DNAJC8: variants seen among roughly 807,000 people sequenced by gnomAD.
The protein encoded by DNAJC8 is dnaJ homolog subfamily C member 8.
DNAJC8 carries 24 observed loss-of-function variants against 43.2 expected under a neutral mutation model. That is an observed-to-expected ratio of 0.56 (90% CI 0.40 to 0.78). DNAJC8 has a LOEUF of 0.78. Ranked by LOEUF, DNAJC8 falls within the 30% of genes least tolerant of loss-of-function variation. The pLI, the probability that DNAJC8 is intolerant of heterozygous loss-of-function variation, is 0.00. For synonymous variants in DNAJC8, 83 were observed against 98.0 expected, an observed-to-expected ratio of 0.85 and a Z score of 0.90; for missense variants, 207 against 299.4, an observed-to-expected ratio of 0.69 and a Z score of 2.28.
At chr1:28,227,642 T>C (rs1381458879) in intron 2 of DNAJC8, among the ~76,000 whole-genome samples, 1 of 151,980 alleles carries the variant, frequency 6.6e-6, no homozygotes, top group African/African-American at 2.4e-5. Flanking sequence ...TGTGGTGTCA[T>C]ATGCCTGTAA....
At chr1:28,205,133 G>A (rs578038472) in intron 7 of DNAJC8, 125 bp downstream of exon 7, 5 of 696,174 alleles carry the variant, frequency 7.2e-6, no homozygotes, top group South Asian at 2.2e-5. Flanking sequence ...CTGTTTTTAG[G>A]TAACTATTTT....
rs749166804 is a variant in DNAJC8, at chr1:28,200,680, C to T, written c.*568G>A. 1.8e-5 allele frequency: 8 copies of T among 454,538 alleles called. No homozygotes were observed. Among genetic ancestry groups the T allele is most frequent in the Non-Finnish European group, 2.6e-5 (6 of 226,806 alleles). 28.2% of individuals were successfully genotyped at this position (454,538 alleles called of 1,614,324 possible). A position where few individuals can be genotyped will look rare whatever the true frequency, so the allele number is the denominator to read the frequency against. ...AAGTGAAAGGTTTGGGTGGCGTGGG[C>T]CTCATGCCACACTGATTGGTCAGTA... On this transcript the variant is annotated 3_prime_UTR_variant, in exon 9 of 9. Transcript: ENST00000263697.
intron 2 of DNAJC8, among the ~76,000 whole-genome samples, chr1:28,222,681 G>A (rs1646906828): frequency 1.3e-5 from 2 of 152,016 alleles, no homozygotes; most frequent in African/African-American, 4.8e-5. Flanking sequence ...GAGTCACATG[G>A]CCCAGAGCAC....
At chr1:28,222,802 C>T (rs1646907781) in intron 2 of DNAJC8, among the ~76,000 whole-genome samples, 1 of 152,040 alleles carries the variant, frequency 6.6e-6, no homozygotes, top group Non-Finnish European at 1.5e-5. Flanking sequence ...CAGAGAAGGA[C>T]AGCCTAACAT....
chr1:28,210,078 C>T lies in DNAJC8; in HGVS notation c.305-12G>A. The T allele has an allele frequency of 6.2e-7, 1 of 1,612,670 alleles. No individual in the cohort carries two copies. ...AGCTTTGTCCACAGCTAATGCAAAA[C>T]ATTGAAATTAACTGTTTCTGCAAAC... On this transcript the variant is annotated splice_polypyrimidine_tract_variant and intron_variant, in intron 4 of 8. Transcript: ENST00000263697.
At chr1:28,220,011 T>G (rs1422532075) in intron 2 of DNAJC8, among the ~76,000 whole-genome samples, 1 of 122,232 alleles carries the variant, frequency 8.2e-6, no homozygotes, top group African/African-American at 4.0e-5. Flanking sequence ...TTCCAATGGG[T>G]GATAGTGTTG....
intron 3 of DNAJC8, among the ~76,000 whole-genome samples, chr1:28,211,272 G>A (rs1646809096): frequency 6.6e-6 from 1 of 152,170 alleles, no homozygotes; most frequent in Non-Finnish European, 1.5e-5. Flanking sequence ...TTCCTATTAT[G>A]TTCCTTATGC....
chr1:28,223,490 G>A (rs549075613), intron 2 of DNAJC8, among the ~76,000 whole-genome samples: 4 of 152,214 alleles, frequency 2.6e-5, no homozygotes, highest in East Asian at 1.9e-4. Context: ...AGAGTACAGC[G>A]GGGTGAGGAG....
chr1:28,202,588 CTTTTTTT>C (rs369024181), intron 8 of DNAJC8, among the ~76,000 whole-genome samples: 1 of 89,656 alleles, frequency 1.1e-5, no homozygotes, highest in Non-Finnish European at 2.1e-5. Flanking sequence ...CTTTTTTTTT[CTTTTTTT>C]TTTTTTTTTT....
At position 28,205,412 on chromosome 1, in the gene DNAJC8, T is replaced by C. The variant is rs563465197; in HGVS notation, c.472-63A>G. On this transcript the variant is annotated intron_variant, in intron 6 of 8. Coordinates refer to ENST00000263697, the MANE Select transcript of DNAJC8 (RefSeq NM_014280.3). Reference sequence around the variant, plus strand: ...ATATTTTTACCAGCAACTTGAACCATGTACTTTCACCTGGAGTCCAAGATA... The same window carrying C: ...ATATTTTTACCAGCAACTTGAACCACGTACTTTCACCTGGAGTCCAAGATA... 2,143 of 1,295,212 alleles carry C rather than the reference T, an allele frequency of 1.7e-3. 2 individuals carry two copies. Among genetic ancestry groups the C allele is most frequent in the Non-Finnish European group, 2.2e-3 (1,979 of 907,604 alleles). 80.2% of individuals were successfully genotyped at this position (1,295,212 alleles called of 1,614,324 possible).
intron 8 of DNAJC8, among the ~76,000 whole-genome samples, chr1:28,202,981 T>C (rs966972783): frequency 1.3e-5 from 2 of 152,314 alleles, no homozygotes; most frequent in East Asian, 1.9e-4. Flanking sequence ...TTAAATGATT[T>C]TCTAAAAGCC....
intron 2 of DNAJC8, among the ~76,000 whole-genome samples, chr1:28,225,940 G>A (rs767155903): frequency 6.6e-6 from 1 of 150,690 alleles, no homozygotes; most frequent in Non-Finnish European, 1.5e-5. Context: ...CTGGCCTAAA[G>A]TGATCCTCCC....
rs1646726831 is a variant in DNAJC8, at chr1:28,200,633, G to A, written c.*615C>T. The A allele has an allele frequency of 2.2e-6, 1 of 455,916 alleles. No individual in the cohort carries two copies. The highest frequency in any genetic ancestry group is 4.4e-6 in the Non-Finnish European group (1 of 226,812). 28.2% of individuals were successfully genotyped at this position (455,916 alleles called of 1,614,324 possible). A position where few individuals can be genotyped will look rare whatever the true frequency, so the allele number is the denominator to read the frequency against. On this transcript the variant is annotated 3_prime_UTR_variant, in exon 9 of 9. Coordinates refer to ENST00000263697, the MANE Select transcript of DNAJC8 (RefSeq NM_014280.3). ...GACAGGCTAGGACATGGTACTGGGT[G>A]GAGGACGGCTAGCTCTTTGGAAAGT...
chr1:28,209,862 T>C (rs1207487249), intron 5 of DNAJC8, 110 bp downstream of exon 5: 2 of 886,256 alleles, frequency 2.3e-6, no homozygotes, highest in African/African-American at 3.3e-5. Flanking sequence ...AGCACAGAAG[T>C]AGCCACAGGT....
intron 1 of DNAJC8, among the ~76,000 whole-genome samples, chr1:28,229,747 C>A (rs144252117): frequency 2.0e-5 from 3 of 150,264 alleles, no homozygotes; most frequent in Non-Finnish European, 4.4e-5. Context: ...GGACTCCAGC[C>A]TGGGAGACAC....
chr1:28,205,417 T>G, intron 6 of DNAJC8, 68 bp from the exon 7 acceptor site: 3 of 1,208,450 alleles, frequency 2.5e-6, no homozygotes, highest in Non-Finnish European at 3.6e-6. Flanking sequence ...AACCATGTAC[T>G]TTCACCTGGA....
intron 2 of DNAJC8, among the ~76,000 whole-genome samples, chr1:28,223,855 G>A (rs1048126290): frequency 2.6e-5 from 4 of 152,142 alleles, no homozygotes; most frequent in Non-Finnish European, 5.9e-5. Flanking sequence ...CAAACACACA[G>A]ACTCCAGGGT....
At position 28,209,961 on chromosome 1, in the gene DNAJC8, T is replaced by A. The variant is rs910038640; in HGVS notation, c.399+11A>T. ...ACTTCCTGTAAACACAGCAGCACTA[T>A]AAATACTTACAGTGTGTTCCACGTA... is the stretch of plus-strand genomic sequence containing the variant. On this transcript the variant is annotated intron_variant, in intron 5 of 8. Coordinates refer to ENST00000263697, the MANE Select transcript of DNAJC8 (RefSeq NM_014280.3). 2 of 1,612,038 alleles carry A rather than the reference T, an allele frequency of 1.2e-6. No individual in the cohort carries two copies. Among genetic ancestry groups the A allele is most frequent in the African/African-American group, 1.3e-5 (1 of 74,170 alleles).
chr1:28,203,924 A>T (rs1443268775), intron 7 of DNAJC8, 102 bp from the exon 8 acceptor site: 1 of 1,133,274 alleles, frequency 8.8e-7, no homozygotes, highest in East Asian at 2.4e-5. Flanking sequence ...ATAGTAAATC[A>T]ATTCCCTAGA....
Sources: allele counts gnomAD v4.1 joint callset (sites outside exome capture counted in the v4.1 genomes callset), GRCh38; gene constraint gnomAD v4.1.1; transcripts MANE v1.5; gene names NCBI Gene and HGNC (gene_info 2026-07-23, HGNC 2026-07-21).